PEX7: variants seen among roughly 807,000 people sequenced by gnomAD.
The protein encoded by PEX7 is PTS2 receptor.
A neutral mutation model predicts 47.5 loss-of-function variants in PEX7; 34 were observed. The ratio of observed to expected loss-of-function variants is 0.72; its 90% CI spans 0.54 to 0.95. PEX7 has a LOEUF of 0.95. Ranked by LOEUF, PEX7 falls within the 40% of genes least tolerant of loss-of-function variation. The pLI is 0.00. For missense variants in PEX7, 394 were observed against 400.3 expected (o/e 0.98, Z 0.13); for synonymous variants, 141 against 148.8 (o/e 0.95, Z 0.38).
chr6:136,874,184 T>C (rs1775227971), intron 8 of PEX7, among the ~76,000 whole-genome samples: 1 of 152,240 alleles, frequency 6.6e-6, no homozygotes. Context: ...TGTACAGCAT[T>C]GAGGCTATTT....
intron 8 of PEX7, among the ~76,000 whole-genome samples, chr6:136,881,330 A>G (rs1170642286): frequency 3.3e-5 from 5 of 152,186 alleles, no homozygotes; most frequent in Non-Finnish European, 7.3e-5. Context: ...GTTAAGCAGT[A>G]TGAAGAGAGA....
At chr6:136,850,313 A>G (rs996637599) in intron 5 of PEX7, among the ~76,000 whole-genome samples, 2 of 151,976 alleles carry the variant, frequency 1.3e-5, no homozygotes, top group African/African-American at 4.8e-5. Context: ...TCTTTATCCA[A>G]TTTGCCAGTC....
chr6:136,884,391 G>C (rs1410429638), intron 8 of PEX7, among the ~76,000 whole-genome samples: 1 of 152,148 alleles, frequency 6.6e-6, no homozygotes, highest in African/African-American at 2.4e-5. Flanking sequence ...AAGACCAACA[G>C]TAACCTGTTT....
intron 6 of PEX7, 51 bp downstream of exon 6, chr6:136,866,784 G>C (rs1385717596): frequency 6.8e-7 from 1 of 1,467,856 alleles, no homozygotes. Flanking sequence ...ATGTTAAAAT[G>C]TTCTGAATTT....
intron 5 of PEX7, among the ~76,000 whole-genome samples, chr6:136,865,757 A>G (rs10080606): frequency 0.016 from 2,394 of 152,274 alleles, 74 homozygotes; most frequent in African/African-American, 0.055. Flanking sequence ...CAGCCTGGGC[A>G]ATAGAGCAAG....
chr6:136,839,535 C>T (rs941375113), intron 3 of PEX7, among the ~76,000 whole-genome samples: 13 of 152,186 alleles, frequency 8.5e-5, no homozygotes, highest in Non-Finnish European at 1.5e-4. Flanking sequence ...TTCTTCACCA[C>T]TGCCAAGAGT....
At chr6:136,828,776 T>C (rs1314533216) in intron 3 of PEX7, among the ~76,000 whole-genome samples, 2 of 152,208 alleles carry the variant, frequency 1.3e-5, no homozygotes, top group Non-Finnish European at 2.9e-5. Context: ...TCTAATAATA[T>C]TACCTAAAGT....
chr6:136,903,383 C>T (rs1245502275), intron 9 of PEX7, among the ~76,000 whole-genome samples: 1 of 147,344 alleles, frequency 6.8e-6, no homozygotes, highest in African/African-American at 2.5e-5. Context: ...GCTATGTTGC[C>T]CAGGTTGGTC....
intron 3 of PEX7, among the ~76,000 whole-genome samples, chr6:136,843,913 C>T (rs1380579447): frequency 6.6e-6 from 1 of 151,600 alleles, no homozygotes; most frequent in East Asian, 1.9e-4. Context: ...TTTAAGGGGG[C>T]CCCAAAAAAC....
Position 136,830,878 on chromosome 6 carries a change from CAT to C in PEX7, c.339+4412_339+4413del, listed in dbSNP as rs201106406. ...TTATCAATTTGCTGAATTTTTATAA[CAT>C]ATTTGATCCATTGAGGTTTTTGAGC... is the stretch of plus-strand genomic sequence containing the variant. On this transcript the variant is annotated intron_variant, in intron 3 of 9. Coordinates refer to ENST00000318471, the MANE Select transcript of PEX7 (RefSeq NM_000288.4). 7.7e-3 allele frequency among the ~76,000 whole-genome samples: 1,177 copies of C among 152,088 alleles called. 11 individuals are homozygous for C. The highest frequency in any genetic ancestry group is 0.025 in the African/African-American group (1,020 of 41,432).
rs1288141385 is a variant in PEX7, at chr6:136,866,596, T to A, written c.527-31T>A. 3 of 1,562,552 alleles carry A rather than the reference T, an allele frequency of 1.9e-6. No individual in the cohort carries two copies. In the Admixed American group the frequency reaches 5.0e-5, roughly 26 times the overall value. On this transcript the variant is annotated intron_variant, in intron 5 of 9. Coordinates refer to ENST00000318471, the MANE Select transcript of PEX7 (RefSeq NM_000288.4). ...GTCACTGCACATTCAAGTGGTGTGATGGGAAATGATCAAGTCTTCCTTTTT... is the reference window on the plus strand; with the variant it reads ...GTCACTGCACATTCAAGTGGTGTGAAGGGAAATGATCAAGTCTTCCTTTTT...
chr6:136,905,174 C>T (rs536557327), intron 9 of PEX7, among the ~76,000 whole-genome samples: 6 of 152,304 alleles, frequency 3.9e-5, no homozygotes, highest in African/African-American at 1.4e-4. Context: ...CTTTTTCCGT[C>T]TCTGTCACCC....
At chr6:136,822,971 G>C (rs777642362) in intron 1 of PEX7, 176 bp downstream of exon 1, 142 of 985,366 alleles carry the variant, frequency 1.4e-4, no homozygotes, top group Non-Finnish European at 1.7e-4. Context: ...CCGAGTGCGA[G>C]GAGTTGGTCT....
At chr6:136,885,034 G>A (rs925114478) in intron 8 of PEX7, among the ~76,000 whole-genome samples, 3 of 152,124 alleles carry the variant, frequency 2.0e-5, no homozygotes, top group Non-Finnish European at 2.9e-5. Context: ...TGTGCCAACC[G>A]TGCATAAGCA....
At chr6:136,881,272 G>T (rs868008660) in intron 8 of PEX7, among the ~76,000 whole-genome samples, 2 of 152,118 alleles carry the variant, frequency 1.3e-5, no homozygotes, top group Non-Finnish European at 2.9e-5. Context: ...GGGAGGAGGG[G>T]CTTTCAACAA....
rs904550082 is a variant in PEX7 at position 136,860,675 on chromosome 6, A to T, written c.527-5952A>T. ...TAAAACTTAAAGTATAATTAAAAAA[A>T]AAAAGAAAGAAAGTGGTGGTGTGGA... On this transcript the variant is annotated intron_variant, in intron 5 of 9. Coordinates refer to ENST00000318471, the MANE Select transcript of PEX7 (RefSeq NM_000288.4). 6.2e-5 allele frequency among the ~76,000 whole-genome samples: 6 copies of T among 96,912 alleles called. No individual in the cohort carries two copies. The South Asian group carries it at 1.7e-3, about 28-fold the overall frequency. 63.6% of individuals were successfully genotyped at this position (96,912 alleles called of 152,430 possible).
At chr6:136,847,611 C>G (rs1169313840) in intron 5 of PEX7, among the ~76,000 whole-genome samples, 2 of 150,314 alleles carry the variant, frequency 1.3e-5, no homozygotes, top group Non-Finnish European at 3.0e-5. Context: ...AATCCTTTCC[C>G]CATTGCTTGT....
intron 6 of PEX7, 42 bp downstream of exon 6, chr6:136,866,775 TG>T: frequency 2.5e-5 from 37 of 1,501,310 alleles, no homozygotes; most frequent in Non-Finnish European, 3.4e-5. Context: ...TCCTTCCTAA[TG>T]TTAAAATGTT....
At chr6:136,896,576 T>G (rs1775655282) in intron 8 of PEX7, among the ~76,000 whole-genome samples, 1 of 152,152 alleles carries the variant, frequency 6.6e-6, no homozygotes, top group South Asian at 2.1e-4. Context: ...CTTTTTCCTT[T>G]GGCTGCTAGA....
Sources: gnomAD v4.1 joint callset for allele counts (sites outside exome capture counted in the v4.1 genomes callset) on GRCh38, gnomAD v4.1.1 for gene constraint, MANE v1.5 for transcripts, NCBI Gene and HGNC (gene_info 2026-07-23, HGNC 2026-07-21) for gene names.